FECH: variants seen among roughly 807,000 people sequenced by gnomAD.
FECH encodes ferrochelatase, mitochondrial.
Under a neutral mutation model 56.9 loss-of-function variants are expected in FECH, and 40 were observed. That is an observed-to-expected ratio of 0.70 (90% confidence interval 0.55 to 0.92). The LOEUF (loss-of-function observed/expected upper bound fraction) is 0.92, where lower values mean the gene tolerates loss of function less well. Ranked by LOEUF, FECH falls within the 40% of genes least tolerant of loss-of-function variation. The pLI is 0.00. For missense variants in FECH, 431 were observed against 529.1 expected, an observed-to-expected ratio of 0.81 and a Z score of 1.82; for synonymous variants, 175 against 198.6, an observed-to-expected ratio of 0.88 and a Z score of 1.00.
chr18:57,579,273 A>ATG (rs1247988263), intron 2 of FECH, among the ~76,000 whole-genome samples: 4 of 124,204 alleles, frequency 3.2e-5, no homozygotes, highest in African/African-American at 9.6e-5. Flanking sequence ...ATATATATAT[A>ATG]TGTGTGTGTG....
chr18:57,557,378 G>C (rs575080391), intron 7 of FECH, among the ~76,000 whole-genome samples: 18 of 152,322 alleles, frequency 1.2e-4, no homozygotes, highest in Admixed American at 5.2e-4. Flanking sequence ...ATGACACTGT[G>C]GCATTTCCCG....
chr18:57,571,659 C>T, intron 3 of FECH, 119 bp from the exon 4 acceptor site: 2 of 1,460,294 alleles, frequency 1.4e-6, no homozygotes, highest in South Asian at 2.4e-5. Flanking sequence ...AAGATTAAGC[C>T]TTTAAAACAG....
chr18:57,566,680 C>A, intron 4 of FECH, 99 bp from the exon 5 acceptor site: 1 of 1,449,036 alleles, frequency 6.9e-7, no homozygotes, highest in East Asian at 2.3e-5. Context: ...AAGAACAGTT[C>A]ATGTAATTTC....
At chr18:57,585,034 C>T (rs1296253328) in intron 1 of FECH, among the ~76,000 whole-genome samples, 1 of 150,876 alleles carries the variant, frequency 6.6e-6, no homozygotes. Flanking sequence ...AGAAACAAAA[C>T]GTTTAAAGTT....
chr18:57,576,496 T>G (rs1246064143), intron 2 of FECH, among the ~76,000 whole-genome samples: 1 of 152,210 alleles, frequency 6.6e-6, no homozygotes, highest in Non-Finnish European at 1.5e-5. Context: ...ATAAATTAAG[T>G]GCATTTTCCC....
intron 7 of FECH, 69 bp from the exon 8 acceptor site, chr18:57,555,021 G>T: frequency 8.3e-7 from 1 of 1,203,712 alleles, no homozygotes; most frequent in Non-Finnish European, 1.2e-6. Flanking sequence ...CTGACTATGT[G>T]CTGACACAGT....
rs1245302687 is a variant in FECH, at chr18:57,546,959, C to CA, written c.*3752dup. Among the ~76,000 whole-genome samples the CA allele has an allele frequency of 0.28, 31,139 of 112,750 alleles. 4,186 individuals are homozygous for CA. The highest frequency in any genetic ancestry group is 0.42 in the East Asian group (1,661 of 3,970). 74.0% of individuals were successfully genotyped at this position (112,750 alleles called of 152,430 possible). ...TGGGCAACAGAGCGAGACTCCATCT[C>CA]AAAAAAAAAAAAAAAAAATTTAAGG... On this transcript the variant is annotated 3_prime_UTR_variant, in exon 11 of 11. Transcript: ENST00000262093.
At chr18:57,576,678 A>G (rs959829851) in intron 2 of FECH, among the ~76,000 whole-genome samples, 5 of 152,240 alleles carry the variant, frequency 3.3e-5, no homozygotes, top group South Asian at 2.1e-4. Flanking sequence ...TGCCCTGCTC[A>G]TGGTTTTGCA....
intron 7 of FECH, among the ~76,000 whole-genome samples, chr18:57,556,901 A>C: frequency 1.7e-5 from 2 of 120,598 alleles, no homozygotes; most frequent in Admixed American, 9.6e-5. Context: ...ACAGAGTGAG[A>C]CCCTGTCTCA....
At chr18:57,558,702 C>T (rs1347077793) in intron 7 of FECH, among the ~76,000 whole-genome samples, 1 of 152,122 alleles carries the variant, frequency 6.6e-6, no homozygotes, top group East Asian at 1.9e-4. Flanking sequence ...GGTGGATCAC[C>T]TAAGGTCAGG....
At chr18:57,576,944 A>G (rs1473975891) in intron 2 of FECH, among the ~76,000 whole-genome samples, 1 of 152,224 alleles carries the variant, frequency 6.6e-6, no homozygotes, top group Non-Finnish European at 1.5e-5. Context: ...AAGTGTATAC[A>G]GCAAAATATA....
At chr18:57,569,652 G>A (rs1201309185) in intron 4 of FECH, among the ~76,000 whole-genome samples, 1 of 151,944 alleles carries the variant, frequency 6.6e-6, no homozygotes, top group Non-Finnish European at 1.5e-5. Flanking sequence ...TTAACTCCTG[G>A]GCTCAAGCAA....
At chr18:57,576,687 CA>C (rs1311930129) in intron 2 of FECH, among the ~76,000 whole-genome samples, 5 of 152,272 alleles carry the variant, frequency 3.3e-5, no homozygotes, top group Non-Finnish European at 7.3e-5. Context: ...CATGGTTTTG[CA>C]AACGCATGTT....
At chr18:57,576,807 C>G (rs2051191908) in intron 2 of FECH, among the ~76,000 whole-genome samples, 1 of 152,226 alleles carries the variant, frequency 6.6e-6, no homozygotes, top group Admixed American at 6.5e-5. Flanking sequence ...AAGCCCCAGT[C>G]TGACACCCCT....
In FECH at chr18:57,571,466, G is replaced by C; in HGVS notation, c.389C>G (p.Ser130Cys). 6.2e-7 allele frequency: 1 copy of C among 1,613,958 alleles called. No homozygotes were observed. Among genetic ancestry groups the C allele is most frequent in the Non-Finnish European group, 8.5e-7 (1 of 1,179,996 alleles). Residue 130 changes from serine (S) to cysteine (C), a missense_variant, in exon 4 of 11, where the codon TCC becomes TGC. By Grantham distance (112) the Ser-to-Cys change is moderately radical. Transcript: ENST00000262093. ...QEQYRRIGGG[S>C]PIKIWTSKQG... ...CTTGGAAGTCCATATCTTGATGGGGGATCCGCCTCCAATCCTGCGGTACTG... is the reference window on the plus strand; with the variant it reads ...CTTGGAAGTCCATATCTTGATGGGGCATCCGCCTCCAATCCTGCGGTACTG...
In FECH at chr18:57,586,472, G is replaced by A. The variant is rs1327325132; in HGVS notation, c.67+82C>T. ...CGCTCCCCGAATCCCCCGGGCGCGA[G>A]GGCCCGGGCGCCAGCTGCCCGCTCT... On this transcript the variant is annotated intron_variant, in intron 1 of 10. Coordinates refer to ENST00000262093, the MANE Select transcript of FECH (RefSeq NM_000140.5). 21 of 1,421,160 alleles carry A rather than the reference G, an allele frequency of 1.5e-5. No homozygotes were observed. The Admixed American group carries it at 1.7e-4, about 11-fold the overall frequency. The allele number at this position is 1,421,160 out of a possible 1,614,324, so 88.0% of individuals were successfully genotyped here.
chr18:57,557,028 T>A (rs1258686808), intron 7 of FECH, among the ~76,000 whole-genome samples: 2 of 150,950 alleles, frequency 1.3e-5, no homozygotes, highest in African/African-American at 2.4e-5. Context: ...TGTGGGACCC[T>A]GGACTGGGTC....
At position 57,569,020 on chromosome 18, in the gene FECH, C is replaced by G. The variant is rs1449716329; in HGVS notation, c.463+2372G>C. ...TAGTTAAGTAAGTAAACTGCCTGAA[C>G]CAGAGCAGGGAAGCCAACACCATCA... On this transcript the variant is annotated intron_variant, in intron 4 of 10. Transcript: ENST00000262093. Among the ~76,000 whole-genome samples, 3 of 152,200 alleles carry G rather than the reference C, an allele frequency of 2.0e-5. No individual in the cohort carries two copies. In the East Asian group the frequency reaches 5.8e-4, roughly 29 times the overall value.
intron 1 of FECH, among the ~76,000 whole-genome samples, chr18:57,581,876 C>T (rs1191237295): frequency 1.3e-5 from 2 of 152,104 alleles, no homozygotes; most frequent in Non-Finnish European, 2.9e-5. Context: ...GATTTCCAAC[C>T]ACCCAGATTG....
Sources: gnomAD v4.1 joint callset for allele counts (sites outside exome capture counted in the v4.1 genomes callset) on GRCh38, gnomAD v4.1.1 for gene constraint, MANE v1.5 for transcripts, NCBI Gene and HGNC (gene_info 2026-07-23, HGNC 2026-07-21) for gene names.